LRRTM3: variants seen among roughly 807,000 people sequenced by gnomAD.
LRRTM3 encodes leucine-rich repeat transmembrane neuronal protein 3.
In LRRTM3, 24 loss-of-function variants were observed where a neutral mutation model predicts 44.7. That is an observed-to-expected ratio of 0.54 (90% CI 0.39 to 0.76). LRRTM3 has a LOEUF of 0.76. Ranked by LOEUF, LRRTM3 falls within the 30% of genes least tolerant of loss-of-function variation. The pLI is 0.00. For missense variants in LRRTM3, 587 were observed against 702.2 expected, an observed-to-expected ratio of 0.84 and a Z score of 1.85; for synonymous variants, 277 against 278.7, an observed-to-expected ratio of 0.99 and a Z score of 0.06.
At chr10:66,978,268 G>C (rs923766878) in intron 2 of LRRTM3, among the ~76,000 whole-genome samples, 3 of 152,008 alleles carry the variant, frequency 2.0e-5, no homozygotes, top group Admixed American at 2.0e-4. Context: ...GCTCACACCT[G>C]TAATCCCAGC....
chr10:66,995,611 A>T (rs1013463644), intron 2 of LRRTM3, among the ~76,000 whole-genome samples: 1 of 152,142 alleles, frequency 6.6e-6, no homozygotes. Flanking sequence ...TCTTGTCTAC[A>T]TCTCTATATT....
At chr10:67,061,958 AT>A (rs112737379) in intron 2 of LRRTM3, among the ~76,000 whole-genome samples, 76,550 of 151,862 alleles carry the variant, frequency 0.5, 19,627 homozygotes, top group Middle Eastern at 0.64. Flanking sequence ...TGTAAAAAAA[AT>A]CAATCTTAGG....
intron 2 of LRRTM3, among the ~76,000 whole-genome samples, chr10:67,093,887 T>A (rs1270244461): frequency 6.6e-6 from 1 of 152,036 alleles, no homozygotes; most frequent in Non-Finnish European, 1.5e-5. Flanking sequence ...AACAACTGAC[T>A]ATAATTTGAA....
chr10:66,954,763 T>C (rs1181349459), intron 2 of LRRTM3, among the ~76,000 whole-genome samples: 1 of 152,130 alleles, frequency 6.6e-6, no homozygotes, highest in East Asian at 1.9e-4. Flanking sequence ...AATCGACTGC[T>C]ACTTTTTCTT....
chr10:67,006,924 G>A (rs1391778763), intron 2 of LRRTM3, among the ~76,000 whole-genome samples: 1 of 152,024 alleles, frequency 6.6e-6, no homozygotes, highest in African/African-American at 2.4e-5. Context: ...CTCCCAAGTA[G>A]CTGGGATTAC....
At chr10:66,974,859 G>C (rs1849940995) in intron 2 of LRRTM3, among the ~76,000 whole-genome samples, 1 of 149,864 alleles carries the variant, frequency 6.7e-6, no homozygotes, top group South Asian at 2.1e-4. Flanking sequence ...TAGTTGAGTT[G>C]TTTTTTCTTC....
chr10:67,060,847 T>C (rs1855717062), intron 2 of LRRTM3, among the ~76,000 whole-genome samples: 1 of 152,052 alleles, frequency 6.6e-6, no homozygotes, highest in Non-Finnish European at 1.5e-5. Flanking sequence ...GAAAAAGAAA[T>C]ACATTTTTGT....
intron 2 of LRRTM3, among the ~76,000 whole-genome samples, chr10:66,952,391 G>C (rs1249677588): frequency 6.6e-6 from 1 of 152,150 alleles, no homozygotes; most frequent in African/African-American, 2.4e-5. Context: ...AGAGACAAAA[G>C]ACATAAGCAA....
chr10:67,026,266 A>T (rs942183701), intron 2 of LRRTM3, among the ~76,000 whole-genome samples: 5 of 152,096 alleles, frequency 3.3e-5, no homozygotes, highest in Non-Finnish European at 7.4e-5. Flanking sequence ...AATAATAATT[A>T]AGAAAAAAAA....
At chr10:67,069,994 T>C (rs1856347972) in intron 2 of LRRTM3, among the ~76,000 whole-genome samples, 1 of 152,184 alleles carries the variant, frequency 6.6e-6, no homozygotes, top group South Asian at 2.1e-4. Flanking sequence ...TCCAAAGATG[T>C]TTCCATTTAT....
chr10:67,066,089 A>G (rs992026963), intron 2 of LRRTM3, among the ~76,000 whole-genome samples: 1 of 152,024 alleles, frequency 6.6e-6, no homozygotes, highest in Non-Finnish European at 1.5e-5. Flanking sequence ...AGTTCTCTCA[A>G]TCATCTGGGG....
At chr10:66,930,283 T>A (rs1305418895) in intron 2 of LRRTM3, among the ~76,000 whole-genome samples, 2 of 152,244 alleles carry the variant, frequency 1.3e-5, no homozygotes, top group Non-Finnish European at 2.9e-5. Context: ...TACCCATGAA[T>A]AATTGTTGAA....
intron 2 of LRRTM3, among the ~76,000 whole-genome samples, chr10:67,067,908 G>T (rs866613347): frequency 6.6e-6 from 1 of 152,200 alleles, no homozygotes; most frequent in African/African-American, 2.4e-5. Context: ...CAACACAAAG[G>T]AAGGAGGTGT....
At chr10:66,940,618 A>G (rs923878415) in intron 2 of LRRTM3, among the ~76,000 whole-genome samples, 1 of 152,224 alleles carries the variant, frequency 6.6e-6, no homozygotes, top group Non-Finnish European at 1.5e-5. Flanking sequence ...GAAACCCACA[A>G]ATTATATTTC....
intron 2 of LRRTM3, among the ~76,000 whole-genome samples, chr10:66,978,704 T>C (rs917857329): frequency 6.7e-6 from 1 of 149,796 alleles, no homozygotes; most frequent in African/African-American, 2.4e-5. Context: ...ATTCATAAAG[T>C]TCCAGTGAAT....
At chr10:67,048,568 T>A (rs1206416932) in intron 2 of LRRTM3, among the ~76,000 whole-genome samples, 1 of 152,086 alleles carries the variant, frequency 6.6e-6, no homozygotes, top group Non-Finnish European at 1.5e-5. Flanking sequence ...TTAAGGACTA[T>A]TATATACATT....
At position 66,926,084 on chromosome 10, in the gene LRRTM3, C is replaced by T. The variant is rs1336084038; in HGVS notation, c.-500C>T. On this transcript the variant is annotated 5_prime_UTR_variant, in exon 1 of 3. Coordinates refer to ENST00000361320, the MANE Select transcript of LRRTM3 (RefSeq NM_178011.5). ...TGACAGTCTGCAGAAGTGAGCTGAG[C>T]GTGTGCGCGGTACGGGGCTCTCCTG... 4 of 457,666 alleles carry T rather than the reference C, an allele frequency of 8.7e-6. 1 individual carries two copies. Among genetic ancestry groups the T allele is most frequent in the South Asian group, 4.6e-5 (3 of 64,586 alleles). 28.4% of individuals were successfully genotyped at this position (457,666 alleles called of 1,614,324 possible).
At chr10:66,996,143 T>C (rs1851323080) in intron 2 of LRRTM3, among the ~76,000 whole-genome samples, 1 of 152,192 alleles carries the variant, frequency 6.6e-6, no homozygotes, top group African/African-American at 2.4e-5. Flanking sequence ...GCTACTTCAT[T>C]GCACAAGTAG....
intron 2 of LRRTM3, among the ~76,000 whole-genome samples, chr10:66,953,235 A>G (rs1848628644): frequency 6.6e-6 from 1 of 152,218 alleles, no homozygotes; most frequent in Non-Finnish European, 1.5e-5. Flanking sequence ...TCAATCCAGC[A>G]TATCACTTCT....
Sources: gnomAD v4.1 joint callset for allele counts (sites outside exome capture counted in the v4.1 genomes callset) on GRCh38, gnomAD v4.1.1 for gene constraint, MANE v1.5 for transcripts, NCBI Gene and HGNC (gene_info 2026-07-23, HGNC 2026-07-21) for gene names.